The following RNF103 variants were observed in gnomAD, a reference collection of about 807,000 sequenced individuals.
RNF103 encodes E3 ubiquitin-protein ligase RNF103.
In RNF103, 23 loss-of-function variants were observed where a neutral mutation model predicts 66.2. That is an observed-to-expected ratio of 0.35 (90% CI 0.25 to 0.49). RNF103 has a LOEUF of 0.49. Ranked by LOEUF, RNF103 falls within the 20% of genes least tolerant of loss-of-function variation. The pLI, the probability that RNF103 is intolerant of heterozygous loss-of-function variation, is 0.98. For missense variants in RNF103, 730 were observed against 814.7 expected (o/e 0.90, Z 1.27); for synonymous variants, 297 against 289.9 (o/e 1.02, Z -0.25).
At chr2:86,621,507 G>C (rs1573372456) in intron 1 of RNF103, among the ~76,000 whole-genome samples, 1 of 152,088 alleles carries the variant, frequency 6.6e-6, no homozygotes, top group African/African-American at 2.4e-5. Flanking sequence ...AATAATATAC[G>C]ATTTTATATT....
intron 2 of RNF103, chr2:86,617,311 T>C: frequency 1.1e-5 from 11 of 985,424 alleles, no homozygotes; most frequent in Non-Finnish European, 1.3e-5. Flanking sequence ...TTAGTCAGCT[T>C]CTTCTAAAAT....
chr2:86,605,307 T>C lies in RNF103; in HGVS notation c.594A>G (p.Glu198=). The C allele has an allele frequency of 1.9e-6, 3 of 1,614,226 alleles. No individual in the cohort carries two copies. Among genetic ancestry groups the C allele is most frequent in the Non-Finnish European group, 2.5e-6 (3 of 1,180,038 alleles). Residue 198 remains glutamate (E), a synonymous_variant, in exon 4 of 4, where the codon GAA becomes GAG. Coordinates refer to ENST00000237455, the MANE Select transcript of RNF103 (RefSeq NM_005667.4). ...TTATCCATTTAAAAATGTGCTCTACTTCAATCTTGCGTCCACTGTATTCTT... is the reference window on the plus strand; with the variant it reads ...TTATCCATTTAAAAATGTGCTCTACCTCAATCTTGCGTCCACTGTATTCTT... ...MLKEYSGRKI[E]VEHIFKWITA...
chr2:86,615,538 A>ATATATATATAT (rs900412430), intron 2 of RNF103, among the ~76,000 whole-genome samples: 1 of 137,242 alleles, frequency 7.3e-6, no homozygotes, highest in Non-Finnish European at 1.6e-5. Flanking sequence ...ATATATATAT[A>ATATATATATAT]ATATATATAC....
intron 3 of RNF103, among the ~76,000 whole-genome samples, chr2:86,610,683 T>C (rs1454091266): frequency 1.3e-5 from 2 of 152,186 alleles, no homozygotes; most frequent in Non-Finnish European, 2.9e-5. Context: ...TTTTAAAAAA[T>C]ACATTGGGTA....
Position 86,623,101 on chromosome 2 carries a change from G to A in RNF103, c.-215C>T. The A allele has an allele frequency of 2.4e-6, 3 of 1,259,846 alleles. No homozygotes were observed. The highest frequency in any genetic ancestry group is 3.0e-6 in the Non-Finnish European group (3 of 1,006,658). 78.0% of individuals were successfully genotyped at this position (1,259,846 alleles called of 1,614,324 possible). ...GCGACGAGGGACGCAGAGACGCAGA[G>A]CCTCGCGCCGGGCCTCCCAGTCAAG... On this transcript the variant is annotated 5_prime_UTR_variant, in exon 1 of 4. Transcript: ENST00000237455.
chr2:86,604,951 C>T lies in RNF103; in HGVS notation c.950G>A (p.Arg317His), dbSNP rs1370534751. The T allele has an allele frequency of 6.2e-6, 10 of 1,613,934 alleles. No individual in the cohort carries two copies. The African/African-American group carries it at 9.3e-5, about 15-fold the overall frequency. Residue 317 changes from arginine (R) to histidine (H), a missense_variant, in exon 4 of 4, where the codon CGC becomes CAC. Coordinates refer to ENST00000237455, the MANE Select transcript of RNF103 (RefSeq NM_005667.4). ...ATCATTTACCTCGGGTTGTAATGAGCGCAAAAATGAATCCATGGCCTGAAG... is the reference window on the plus strand; with the variant it reads ...ATCATTTACCTCGGGTTGTAATGAGTGCAAAAATGAATCCATGGCCTGAAG... ...ISLQAMDSFL[R>H]SLQPEVNDLF...
chr2:86,621,062 A>G (rs683139), intron 1 of RNF103, among the ~76,000 whole-genome samples: 113,889 of 152,092 alleles, frequency 0.75, 42,963 homozygotes, highest in East Asian at 0.94. Flanking sequence ...AAACACTAAA[A>G]TCAAATTATT....
chr2:86,623,869 T>C (rs1025311927), upstream of RNF103: 8 of 1,287,122 alleles, frequency 6.2e-6, no homozygotes, highest in Admixed American at 2.3e-5. Context: ...ACATAACAAC[T>C]GACGTCGCGA....
At chr2:86,618,065 C>T (rs544146849) in intron 2 of RNF103, 1 of 446,156 alleles carries the variant, frequency 2.2e-6, no homozygotes, top group South Asian at 1.6e-5. Context: ...CATAGAAAAA[C>T]CACAGAAATA....
intron 2 of RNF103, chr2:86,616,982 T>C (rs1679047020): frequency 3.0e-6 from 3 of 985,270 alleles, no homozygotes; most frequent in Middle Eastern, 5.2e-4. Flanking sequence ...GGCCAAAGAA[T>C]CCACAAAACT....
intron 2 of RNF103, chr2:86,618,636 A>C (rs1679112571): frequency 6.6e-6 from 1 of 152,204 alleles, no homozygotes; most frequent in Admixed American, 6.5e-5. Flanking sequence ...CCAAGTTTCA[A>C]AGGTGTGCAA....
At chr2:86,614,115 A>G (rs1460498131) in intron 2 of RNF103, 1 of 152,082 alleles carries the variant, frequency 6.6e-6, no homozygotes, top group African/African-American at 2.4e-5. Flanking sequence ...AGTACTTTTT[A>G]ATGAAAATAA....
In RNF103 at chr2:86,623,160, C is replaced by T; in HGVS notation, c.-274G>A. 1 of 1,129,142 alleles carries T rather than the reference C, an allele frequency of 8.9e-7. No homozygotes were observed. 69.9% of individuals were successfully genotyped at this position (1,129,142 alleles called of 1,614,324 possible). A position where few individuals can be genotyped will look rare whatever the true frequency, so the allele number is the denominator to read the frequency against. On this transcript the variant is annotated 5_prime_UTR_variant, in exon 1 of 4. Transcript: ENST00000237455. ...AAAATAAAGGGGAAAAACTCAAAAC[C>T]CCCATCCATTAAGCACAGAAAGGAG...
chr2:86,615,058 T>C (rs896697253), intron 2 of RNF103: 2 of 985,336 alleles, frequency 2.0e-6, no homozygotes, highest in East Asian at 2.3e-4. Flanking sequence ...AGAGCTCCAA[T>C]GTTAGGAAAA....
At chr2:86,614,855 A>T (rs1678957246) in intron 2 of RNF103, 1 of 985,218 alleles carries the variant, frequency 1.0e-6, no homozygotes, top group African/African-American at 1.7e-5. Context: ...AAAATAACTC[A>T]CTTTTCAGGC....
rs983865188 is a variant in RNF103 at position 86,609,388 on chromosome 2, T to A, written c.482+2771A>T. 5.1e-3 allele frequency among the ~76,000 whole-genome samples: 766 copies of A among 150,528 alleles called. 11 individuals carry two copies. The highest frequency in any genetic ancestry group is 0.018 in the African/African-American group (736 of 40,830). ...ATAAATTACTCAGCCTCAGGTATTT[T>A]TTTTTTTTTTTTTTGAGACAGAGTC... is the stretch of plus-strand genomic sequence containing the variant. On this transcript the variant is annotated intron_variant, in intron 3 of 3. Coordinates refer to ENST00000237455, the MANE Select transcript of RNF103 (RefSeq NM_005667.4).
chr2:86,612,094 G>T (rs190886987), intron 3 of RNF103, 65 bp downstream of exon 3: 3 of 987,214 alleles, frequency 3.0e-6, no homozygotes, highest in African/African-American at 1.6e-5. Context: ...TAGTATCATT[G>T]CCCTTTTTAA....
intron 3 of RNF103, among the ~76,000 whole-genome samples, chr2:86,606,927 C>T (rs575893148): frequency 2.7e-3 from 404 of 152,074 alleles, no homozygotes; most frequent in Non-Finnish European, 3.8e-3. Context: ...CACATATGCA[C>T]GCCACCATGC....
At position 86,610,697 on chromosome 2, in the gene RNF103, T is replaced by C. The variant is rs1055800117; in HGVS notation, c.482+1462A>G. On this transcript the variant is annotated intron_variant, in intron 3 of 3. Transcript: ENST00000237455. ...TTTTTAAAAAATACATTGGGTATTT[T>C]AAAAGAAAATAGTGATATGAATACT... 4.6e-5 allele frequency among the ~76,000 whole-genome samples: 7 copies of C among 152,270 alleles called. No individual in the cohort carries two copies. The East Asian group carries it at 1.3e-3, about 29-fold the overall frequency.
Sources: gnomAD v4.1 joint callset for allele counts (sites outside exome capture counted in the v4.1 genomes callset) on GRCh38, gnomAD v4.1.1 for gene constraint, MANE v1.5 for transcripts, NCBI Gene and HGNC (gene_info 2026-07-23, HGNC 2026-07-21) for gene names.